DCPH1: variants seen among roughly 807,000 people sequenced by gnomAD.
The protein encoded by DCPH1 is damage-control phosphatase 1.
the DCPH1 span, among the ~76,000 whole-genome samples, chr6:151,467,408 G>C: frequency 6.6e-6 from 1 of 151,952 alleles, no homozygotes; most frequent in Non-Finnish European, 1.5e-5. Flanking sequence ...AAATTAGCCT[G>C]GTCAACATAG....
the DCPH1 span, among the ~76,000 whole-genome samples, chr6:151,466,749 A>G: frequency 6.6e-6 from 1 of 152,170 alleles, no homozygotes; most frequent in East Asian, 1.9e-4. Context: ...GTAATTGCAC[A>G]AAGAGCTATG....
chr6:151,465,157 A>T, the DCPH1 span, among the ~76,000 whole-genome samples: 1 of 152,328 alleles, frequency 6.6e-6, no homozygotes, highest in East Asian at 1.9e-4. Context: ...TCGGGTATTC[A>T]GTTGGCCCAT....
chr6:151,458,953 C>G, the DCPH1 span, among the ~76,000 whole-genome samples: 2 of 151,964 alleles, frequency 1.3e-5, no homozygotes, highest in African/African-American at 4.8e-5. Flanking sequence ...GCCTGGCCAG[C>G]ATAACGAAAC....
At chr6:151,458,207 A>G in the DCPH1 span, 1 of 1,284,790 alleles carries the variant, frequency 7.8e-7, no homozygotes, top group Non-Finnish European at 1.1e-6. Context: ...TAATGTTTAA[A>G]GAAATAAAAT....
the DCPH1 span, among the ~76,000 whole-genome samples, chr6:151,460,293 T>G: frequency 6.6e-6 from 1 of 151,948 alleles, no homozygotes; most frequent in East Asian, 2.0e-4. Context: ...TTCGTTATGT[T>G]GGCCAGGCTG....
At chr6:151,454,406 A>T in the DCPH1 span, 1 of 567,714 alleles carries the variant, frequency 1.8e-6, no homozygotes, top group Admixed American at 3.7e-5. Flanking sequence ...ATGTCTTAAT[A>T]TAGTAATCAT....
the DCPH1 span, among the ~76,000 whole-genome samples, chr6:151,457,245 C>T: frequency 6.6e-6 from 1 of 152,188 alleles, no homozygotes; most frequent in African/African-American, 2.4e-5. Flanking sequence ...GGAGACAGGA[C>T]CAGGCTTTAT....
the DCPH1 span, among the ~76,000 whole-genome samples, chr6:151,455,322 C>T: frequency 6.6e-6 from 1 of 152,132 alleles, no homozygotes; most frequent in Admixed American, 6.5e-5. Context: ...ATAAGGGGAC[C>T]TGGGGAACCA....
the DCPH1 span, chr6:151,452,628 G>T: frequency 6.3e-7 from 1 of 1,588,084 alleles, no homozygotes; most frequent in Non-Finnish European, 8.6e-7. Flanking sequence ...CGGAAAGCCG[G>T]GCCTCGCCGG....
the DCPH1 span, among the ~76,000 whole-genome samples, chr6:151,460,817 C>T: frequency 3.3e-5 from 5 of 151,970 alleles, no homozygotes; most frequent in African/African-American, 7.2e-5. Flanking sequence ...AAAAAAACTC[C>T]GGTGCACTGC....
At chr6:151,461,476 G>C in the DCPH1 span, among the ~76,000 whole-genome samples, 1 of 152,182 alleles carries the variant, frequency 6.6e-6, no homozygotes, top group Non-Finnish European at 1.5e-5. Context: ...TGTGAGATCA[G>C]CCTGGCCAAC....
chr6:151,466,532 C>T, the DCPH1 span, among the ~76,000 whole-genome samples: 2 of 152,194 alleles, frequency 1.3e-5, no homozygotes, highest in Non-Finnish European at 2.9e-5. Context: ...AACAGGTTAA[C>T]GTTTCAAGGG....
At chr6:151,458,810 T>C in the DCPH1 span, among the ~76,000 whole-genome samples, 51 of 152,196 alleles carry the variant, frequency 3.4e-4, 2 homozygotes, top group African/African-American at 1.2e-3. Flanking sequence ...AATTATAATC[T>C]ACTTGCCTAG....
chr6:151,455,578 A>G, the DCPH1 span, among the ~76,000 whole-genome samples: 1 of 152,232 alleles, frequency 6.6e-6, no homozygotes, highest in Non-Finnish European at 1.5e-5. Flanking sequence ...TGCTGCCCGC[A>G]TGTCCCACCT....
the DCPH1 span, among the ~76,000 whole-genome samples, chr6:151,462,121 A>T: frequency 6.6e-6 from 1 of 152,250 alleles, no homozygotes; most frequent in Non-Finnish European, 1.5e-5. Flanking sequence ...TTTTAGCCAT[A>T]TGTGAAATTT....
the DCPH1 span, among the ~76,000 whole-genome samples, chr6:151,463,461 G>C: frequency 2.0e-5 from 3 of 152,136 alleles, no homozygotes; most frequent in Admixed American, 6.5e-5. Flanking sequence ...GAAGATATGT[G>C]ATCACTGACA....
chr6:151,456,061 T>TTA, the DCPH1 span, among the ~76,000 whole-genome samples: 6 of 152,190 alleles, frequency 3.9e-5, no homozygotes, highest in Non-Finnish European at 7.4e-5. Context: ...GGGGGTAAGG[T>TTA]TATAGATTAA....
the DCPH1 span, among the ~76,000 whole-genome samples, chr6:151,464,824 G>A: frequency 7.9e-5 from 12 of 152,224 alleles, no homozygotes; most frequent in African/African-American, 2.4e-4. Context: ...TAGTGGCAAA[G>A]AAGTTATCTG....
the DCPH1 span, among the ~76,000 whole-genome samples, chr6:151,457,967 A>C: frequency 6.6e-6 from 1 of 152,334 alleles, no homozygotes; most frequent in South Asian, 2.1e-4. Flanking sequence ...AGCTACCAAA[A>C]GAAACCTCAG....
Sources: allele counts gnomAD v4.1 joint callset (sites outside exome capture counted in the v4.1 genomes callset), GRCh38; gene constraint gnomAD v4.1.1; transcripts MANE v1.5; gene names NCBI Gene and HGNC (gene_info 2026-07-23, HGNC 2026-07-21).